The following SNTG1 variants were observed in gnomAD, a reference collection of about 807,000 sequenced individuals.
SNTG1 encodes the protein gamma-1-syntrophin.
A neutral mutation model predicts 74.7 loss-of-function variants in SNTG1; 39 were observed. The observed-to-expected ratio is 0.52, with a 90% CI of 0.40 to 0.68. SNTG1 has a LOEUF of 0.68. Among genes scored for constraint, SNTG1 ranks in the 30% least tolerant of loss-of-function variants. The probability of loss-of-function intolerance (pLI) is 0.00; values close to 1 mark genes in which losing one functional copy is unlikely to be tolerated. For synonymous variants in SNTG1, 254 were observed against 217.1 expected, an observed-to-expected ratio of 1.17 and a Z score of -1.49; for missense variants, 685 against 609.5, an observed-to-expected ratio of 1.12 and a Z score of -1.30.
chr8:49,918,233 A>G (rs953655392), intron 1 of SNTG1, among the ~76,000 whole-genome samples: 6 of 152,192 alleles, frequency 3.9e-5, no homozygotes, highest in African/African-American at 1.4e-4. Flanking sequence ...TAGATACTTC[A>G]TGTTTTTGAA....
At chr8:50,319,235 A>C (rs996489978) in intron 2 of SNTG1, among the ~76,000 whole-genome samples, 3 of 152,138 alleles carry the variant, frequency 2.0e-5, no homozygotes, top group African/African-American at 7.2e-5. Context: ...ATGGTGGTGC[A>C]TGTCTGTAAT....
intron 2 of SNTG1, among the ~76,000 whole-genome samples, chr8:50,213,234 T>G (rs765799714): frequency 3.3e-5 from 5 of 152,220 alleles, no homozygotes; most frequent in African/African-American, 7.2e-5. Flanking sequence ...TCTTAACATC[T>G]GAACAGGAAT....
At chr8:50,019,304 T>C (rs1005449831) in intron 1 of SNTG1, among the ~76,000 whole-genome samples, 1 of 152,092 alleles carries the variant, frequency 6.6e-6, no homozygotes, top group African/African-American at 2.4e-5. Flanking sequence ...TAAGTTCTTT[T>C]ACTTGGTAAG....
intron 1 of SNTG1, among the ~76,000 whole-genome samples, chr8:50,000,582 C>T (rs546657604): frequency 4.6e-5 from 7 of 152,310 alleles, no homozygotes; most frequent in Non-Finnish European, 1.0e-4. Context: ...TTAAGAAAAG[C>T]TTGCCTGTAG....
chr8:50,757,942 T>G (rs923010787), intron 18 of SNTG1, among the ~76,000 whole-genome samples: 2 of 151,898 alleles, frequency 1.3e-5, no homozygotes, highest in African/African-American at 4.8e-5. Flanking sequence ...TCACAGGTGG[T>G]GTATCTTATA....
At chr8:50,332,000 A>G (rs1563909018) in intron 2 of SNTG1, among the ~76,000 whole-genome samples, 1 of 152,236 alleles carries the variant, frequency 6.6e-6, no homozygotes, top group Non-Finnish European at 1.5e-5. Flanking sequence ...GTATCAGCAA[A>G]TGGAATCACA....
intron 12 of SNTG1, among the ~76,000 whole-genome samples, chr8:50,579,539 A>G (rs1047833362): frequency 3.3e-5 from 5 of 152,038 alleles, no homozygotes; most frequent in East Asian, 3.9e-4. Context: ...GGAAGGAAAA[A>G]TGGTTTTCTG....
intron 11 of SNTG1, among the ~76,000 whole-genome samples, chr8:50,540,007 G>A (rs998978860): frequency 4.6e-5 from 7 of 152,086 alleles, no homozygotes; most frequent in African/African-American, 1.7e-4. Context: ...ACATGCAGGA[G>A]GAAAACCCAG....
intron 2 of SNTG1, among the ~76,000 whole-genome samples, chr8:50,344,732 A>G (rs59659566): frequency 0.014 from 2,125 of 152,280 alleles, 57 homozygotes; most frequent in African/African-American, 0.049. Flanking sequence ...GGCTTCTCAC[A>G]TTGGAATTCT....
chr8:50,537,850 C>T (rs1019038782), intron 11 of SNTG1, among the ~76,000 whole-genome samples: 2 of 152,104 alleles, frequency 1.3e-5, no homozygotes, highest in Non-Finnish European at 2.9e-5. Context: ...AATGAGCACA[C>T]CTTTGTTCCA....
intron 1 of SNTG1, among the ~76,000 whole-genome samples, chr8:49,938,607 C>CTTTTCTTTTCTTTTCTTTTCTTTTCT (rs60669251): frequency 5.7e-4 from 16 of 27,902 alleles, no homozygotes; most frequent in African/African-American, 8.5e-4. Context: ...CTTTTCTTTT[C>CTTTTCTTTTCTTTTCTTTTCTTTTCT]TTTCTTTCTT....
intron 2 of SNTG1, among the ~76,000 whole-genome samples, chr8:50,232,715 A>G (rs894130457): frequency 1.3e-5 from 2 of 151,518 alleles, no homozygotes; most frequent in African/African-American, 2.4e-5. Flanking sequence ...TCCTAGAACT[A>G]ATAAGTAAGT....
At chr8:49,996,151 C>T (rs998960612) in intron 1 of SNTG1, among the ~76,000 whole-genome samples, 3 of 151,902 alleles carry the variant, frequency 2.0e-5, no homozygotes, top group Admixed American at 2.0e-4. Flanking sequence ...TTTCTTCATC[C>T]TTCCATTTTC....
chr8:50,084,655 A>T (rs929913159), intron 1 of SNTG1, among the ~76,000 whole-genome samples: 1 of 152,226 alleles, frequency 6.6e-6, no homozygotes, highest in African/African-American at 2.4e-5. Flanking sequence ...AATATGTTAC[A>T]TGTGCTATGG....
intron 9 of SNTG1, among the ~76,000 whole-genome samples, chr8:50,512,303 T>C (rs534968753): frequency 6.6e-6 from 1 of 152,270 alleles, no homozygotes; most frequent in East Asian, 1.9e-4. Flanking sequence ...TCTAATGGAC[T>C]TCCCTTTGTG....
chr8:50,752,154 A>C (rs754071330), intron 18 of SNTG1, 43 bp downstream of exon 18: 5 of 1,100,550 alleles, frequency 4.5e-6, no homozygotes, highest in Non-Finnish European at 5.0e-6. Context: ...TAACTACATT[A>C]ATGCCATTAA....
intron 16 of SNTG1, among the ~76,000 whole-genome samples, chr8:50,705,374 C>T (rs905051463): frequency 2.0e-5 from 3 of 152,126 alleles, no homozygotes; most frequent in Admixed American, 6.5e-5. Flanking sequence ...ATTCATACTA[C>T]TCATGAAAAG....
chr8:50,263,417 G>C (rs909928772), intron 2 of SNTG1, among the ~76,000 whole-genome samples: 2 of 151,880 alleles, frequency 1.3e-5, no homozygotes, highest in East Asian at 3.9e-4. Context: ...ATTAAATAAG[G>C]TAATAAAAAA....
chr8:50,033,466 T>C (rs934456650), intron 1 of SNTG1, among the ~76,000 whole-genome samples: 2 of 152,116 alleles, frequency 1.3e-5, no homozygotes, highest in Middle Eastern at 3.2e-3. Context: ...ATACCTAATG[T>C]CTTTGTATTA....
Sources: gnomAD v4.1 joint callset for allele counts (sites outside exome capture counted in the v4.1 genomes callset) on GRCh38, gnomAD v4.1.1 for gene constraint, MANE v1.5 for transcripts, NCBI Gene and HGNC (gene_info 2026-07-23, HGNC 2026-07-21) for gene names.